Variants in DIP2C observed in about 807,000 individuals in gnomAD.
DIP2C encodes the protein DIP2 acetate--CoA ligase C (putative).
A neutral mutation model predicts 192.4 loss-of-function variants in DIP2C; 33 were observed. That is an observed-to-expected ratio of 0.17 (90% confidence interval 0.13 to 0.23). The LOEUF is 0.23. Ranked by LOEUF, DIP2C falls within the 10% of genes least tolerant of loss-of-function variation. DIP2C has a pLI of 1.00. For synonymous variants in DIP2C, 979 were observed against 864.1 expected (o/e 1.13, Z -2.33); for missense variants, 1,537 against 2,110.1 (o/e 0.73, Z 5.32).
chr10:488,300 C>A (rs1201330640), intron 1 of DIP2C, among the ~76,000 whole-genome samples: 1 of 152,198 alleles, frequency 6.6e-6, no homozygotes, highest in Non-Finnish European at 1.5e-5. Flanking sequence ...GTGCTCACGG[C>A]CTGCTCCTTG....
Position 317,954 on chromosome 10 carries a change from A to G in DIP2C, c.3925-7862T>C, listed in dbSNP as rs188184632. ...ATATCAGTGATGGAACCAGAGAAAG[A>G]GGAGGCATCGCCTAGGAAGTCGTGG... On this transcript the variant is annotated intron_variant, in intron 31 of 36. Transcript: ENST00000280886. Among the ~76,000 whole-genome samples the G allele has an allele frequency of 2.8e-3, 433 of 152,350 alleles. 1 individual carries two copies. The highest frequency in any genetic ancestry group is 4.1e-3 in the Non-Finnish European group (281 of 68,026).
intron 1 of DIP2C, among the ~76,000 whole-genome samples, chr10:600,350 G>A (rs1195412183): frequency 6.6e-6 from 1 of 151,676 alleles, no homozygotes; most frequent in Non-Finnish European, 1.5e-5. Flanking sequence ...CCCAGGGGAT[G>A]AGCTGCTAAT....
At chr10:648,393 C>T (rs1588671560) in intron 1 of DIP2C, among the ~76,000 whole-genome samples, 3 of 142,946 alleles carry the variant, frequency 2.1e-5, no homozygotes, top group South Asian at 2.3e-4. Context: ...GGATGGTGGG[C>T]GAGACCAGAA....
intron 1 of DIP2C, among the ~76,000 whole-genome samples, chr10:537,546 A>T (rs1847757329): frequency 6.7e-6 from 1 of 149,644 alleles, no homozygotes; most frequent in Non-Finnish European, 1.5e-5. Context: ...TCCCCAGGGC[A>T]CCCAGCATCC....
chr10:631,656 T>C (rs1435130040), intron 1 of DIP2C, among the ~76,000 whole-genome samples: 1 of 152,228 alleles, frequency 6.6e-6, no homozygotes, highest in Non-Finnish European at 1.5e-5. Context: ...CAAATCTTTA[T>C]CAAACATTCA....
At chr10:654,933 T>C (rs1856188489) in intron 1 of DIP2C, among the ~76,000 whole-genome samples, 1 of 152,236 alleles carries the variant, frequency 6.6e-6, no homozygotes, top group South Asian at 2.1e-4. Flanking sequence ...CTATCTGTTC[T>C]ATTCTATACT....
intron 24 of DIP2C, among the ~76,000 whole-genome samples, chr10:351,012 G>A (rs989793380): frequency 8.6e-5 from 13 of 151,862 alleles, no homozygotes; most frequent in Non-Finnish European, 1.2e-4. Context: ...AGCGCGCGGC[G>A]GGCCTGGCAA....
chr10:476,248 C>A (rs1357687736), intron 2 of DIP2C, among the ~76,000 whole-genome samples: 1 of 152,164 alleles, frequency 6.6e-6, no homozygotes, highest in African/African-American at 2.4e-5. Context: ...GTTCTCCTCC[C>A]AGGAGCACCT....
At chr10:591,118 GTTT>G (rs879406394) in intron 1 of DIP2C, among the ~76,000 whole-genome samples, 1 of 150,246 alleles carries the variant, frequency 6.7e-6, no homozygotes, top group African/African-American at 2.5e-5. Context: ...TCCATTACTG[GTTT>G]TTTTTGTTTT....
In DIP2C at chr10:414,000, G is replaced by A. The variant is rs4881274; in HGVS notation, c.970C>T (p.Leu324=). The A allele has an allele frequency of 0.56, 907,727 of 1,613,918 alleles. 257,171 individuals carry two copies. Among genetic ancestry groups the A allele is most frequent in the East Asian group, 0.71 (31,882 of 44,854 alleles). ...TNWPPSLEAA[L]QRWGTISPKA... ...GGCGAGATGGTGCCCCACCTCTGCA[G>A]TGCGGCCTCCAGCGACGGCGGCCAG... The change falls in exon 8 of 37, where the codon CTG becomes TTG. Residue 324 remains leucine (L), a synonymous_variant. Coordinates refer to ENST00000280886, the MANE Select transcript of DIP2C (RefSeq NM_014974.3).
chr10:514,947 GCTT>G (rs746854079), intron 1 of DIP2C, among the ~76,000 whole-genome samples: 4 of 152,202 alleles, frequency 2.6e-5, no homozygotes, highest in South Asian at 2.1e-4. Flanking sequence ...CAAAAAACAA[GCTT>G]TTTTTAACTT....
At chr10:344,205 T>C (rs778382264) in intron 28 of DIP2C, among the ~76,000 whole-genome samples, 11 of 152,286 alleles carry the variant, frequency 7.2e-5, no homozygotes, top group South Asian at 2.1e-4. Context: ...TCTGAAAACA[T>C]TTCTTTTCAA....
chr10:369,663 CA>C, intron 17 of DIP2C, 30 bp from the exon 18 acceptor site: 1 of 1,614,016 alleles, frequency 6.2e-7, no homozygotes, highest in Non-Finnish European at 8.5e-7. Flanking sequence ...CTTGAATATG[CA>C]GGAGCAGATA....
chr10:286,381 G>A (rs772727903), intron 33 of DIP2C, 34 bp from the exon 34 acceptor site: 12 of 1,588,082 alleles, frequency 7.6e-6, no homozygotes, highest in Admixed American at 1.7e-5. Flanking sequence ...TTGTCAATGG[G>A]AGGAATACAG....
chr10:661,572 ACT>A (rs1856763719), intron 1 of DIP2C, among the ~76,000 whole-genome samples: 1 of 151,842 alleles, frequency 6.6e-6, no homozygotes, highest in Non-Finnish European at 1.5e-5. Context: ...TGTCCTGGAA[ACT>A]CTCGGCTCTG....
At chr10:578,569 A>T (rs927546269) in intron 1 of DIP2C, among the ~76,000 whole-genome samples, 2 of 152,192 alleles carry the variant, frequency 1.3e-5, no homozygotes, top group African/African-American at 4.8e-5. Context: ...AGCATCTACT[A>T]ACCTGCCAAA....
chr10:557,281 G>C (rs1848928335), intron 1 of DIP2C, among the ~76,000 whole-genome samples: 1 of 152,208 alleles, frequency 6.6e-6, no homozygotes, highest in Non-Finnish European at 1.5e-5. Context: ...TGAACCTACA[G>C]ATAGCCACAG....
intron 6 of DIP2C, among the ~76,000 whole-genome samples, chr10:416,473 A>G (rs889247884): frequency 3.9e-5 from 6 of 152,092 alleles, no homozygotes; most frequent in Non-Finnish European, 8.8e-5. Context: ...AGCTCCTCAC[A>G]CGCGTTCCAA....
intron 1 of DIP2C, among the ~76,000 whole-genome samples, chr10:578,444 C>T (rs2131567356): frequency 6.6e-6 from 1 of 152,296 alleles, no homozygotes; most frequent in East Asian, 1.9e-4. Flanking sequence ...ACTGAAATCA[C>T]CAAGTCCCTG....
Sources: gnomAD v4.1 joint callset for allele counts (sites outside exome capture counted in the v4.1 genomes callset) on GRCh38, gnomAD v4.1.1 for gene constraint, MANE v1.5 for transcripts, NCBI Gene and HGNC (gene_info 2026-07-23, HGNC 2026-07-21) for gene names.